NR6A1: variants seen among roughly 807,000 people sequenced by gnomAD.
The protein encoded by NR6A1 is nuclear receptor subfamily 6 group A member 1, also known as retinoic acid receptor-related testis-associated receptor.
A neutral mutation model predicts 59.1 loss-of-function variants in NR6A1; 7 were observed. That is an observed-to-expected ratio of 0.12 (90% CI 0.07 to 0.22). The LOEUF (loss-of-function observed/expected upper bound fraction) is 0.22, where lower values mean the gene tolerates loss of function less well. NR6A1 is among the 10% of genes least tolerant of loss of function. The pLI is 1.00. For missense variants in NR6A1, 468 were observed against 611.6 expected (o/e 0.77, Z 2.48); for synonymous variants, 243 against 236.1 (o/e 1.03, Z -0.27).
intron 2 of NR6A1, among the ~76,000 whole-genome samples, chr9:124,703,299 A>G (rs1839022385): frequency 1.3e-5 from 2 of 150,266 alleles, no homozygotes; most frequent in African/African-American, 4.9e-5. Flanking sequence ...TGCATTCTCA[A>G]ACTCCTGGGC....
In NR6A1 at chr9:124,771,225, G is replaced by T. The variant is rs1841153925; in HGVS notation, c.-106C>A. The T allele has an allele frequency of 1.7e-6, 1 of 587,056 alleles. No individual in the cohort carries two copies. Among genetic ancestry groups the T allele is most frequent in the East Asian group, 3.5e-5 (1 of 28,682 alleles). The allele number at this position is 587,056 out of a possible 1,614,324, so 36.4% of individuals were successfully genotyped here. ...GGGGAGGAGGTTGTCAGGAGCCCGC[G>T]AGCTCCCGGCCGCGGCTCTCTCTGG... On this transcript the variant is annotated 5_prime_UTR_variant, in exon 1 of 10. Coordinates refer to ENST00000487099, the MANE Select transcript of NR6A1 (RefSeq NM_033334.4).
intron 2 of NR6A1, among the ~76,000 whole-genome samples, chr9:124,578,653 C>A (rs558165184): frequency 3.3e-4 from 51 of 152,292 alleles, no homozygotes; most frequent in Non-Finnish European, 6.3e-4. Context: ...AGTCTCCTTC[C>A]TTCTCTTAGA....
chr9:124,657,746 C>G (rs935058856), intron 2 of NR6A1, among the ~76,000 whole-genome samples: 3 of 151,918 alleles, frequency 2.0e-5, no homozygotes, highest in Admixed American at 6.5e-5. Context: ...TAGCTTCCCC[C>G]CCCCAGCAAC....
intron 2 of NR6A1, among the ~76,000 whole-genome samples, chr9:124,595,182 C>T (rs1300244733): frequency 6.6e-6 from 1 of 152,164 alleles, no homozygotes; most frequent in Non-Finnish European, 1.5e-5. Flanking sequence ...TCATTACATA[C>T]ACACACATGC....
At chr9:124,530,550 A>G (rs1208092855) in intron 7 of NR6A1, among the ~76,000 whole-genome samples, 1 of 152,230 alleles carries the variant, frequency 6.6e-6, no homozygotes, top group Non-Finnish European at 1.5e-5. Flanking sequence ...ATGCTGGGAC[A>G]AGGAAAACAT....
chr9:124,692,717 G>A, intron 2 of NR6A1, among the ~76,000 whole-genome samples: 1 of 152,152 alleles, frequency 6.6e-6, no homozygotes, highest in East Asian at 1.9e-4. Flanking sequence ...TTATTTGTTT[G>A]TTTTTACAAA....
intron 2 of NR6A1, among the ~76,000 whole-genome samples, chr9:124,568,482 CA>C (rs201368540): frequency 2.1e-4 from 23 of 107,786 alleles, no homozygotes; most frequent in East Asian, 2.7e-4. Context: ...GACTCTGTCT[CA>C]AAAAAAAAAA....
chr9:124,771,156 CCGCCATGACCGGCGCCCTAGT>C lies in NR6A1; in HGVS notation c.-58_-38del. 1 of 1,126,698 alleles carries C rather than the reference CCGCCATGACCGGCGCCCTAGT, an allele frequency of 8.9e-7. No homozygotes were observed. The highest frequency in any genetic ancestry group is 3.2e-5 in the East Asian group (1 of 31,122). 69.8% of individuals were successfully genotyped at this position (1,126,698 alleles called of 1,614,324 possible). A position where few individuals can be genotyped will look rare whatever the true frequency, so the allele number is the denominator to read the frequency against. On this transcript the variant is annotated 5_prime_UTR_variant, in exon 1 of 10. The change abolishes an upstream ATG in the 5' untranslated region. Coordinates refer to ENST00000487099, the MANE Select transcript of NR6A1 (RefSeq NM_033334.4). ...TAGGGTCCGCGCCGGGTTTGTTGCT[CCGCCATGACCGGCGCCCTAGT>C]CGCCGTGGTCGTCGTCCGCCGAGGG...
intron 2 of NR6A1, among the ~76,000 whole-genome samples, chr9:124,731,878 A>G (rs1839894046): frequency 6.6e-6 from 1 of 152,200 alleles, no homozygotes; most frequent in South Asian, 2.1e-4. Context: ...TGAGGAGTCA[A>G]AAGTTATAAG....
intron 1 of NR6A1, among the ~76,000 whole-genome samples, chr9:124,769,359 A>G (rs1371440236): frequency 1.3e-5 from 2 of 152,236 alleles, no homozygotes; most frequent in Non-Finnish European, 2.9e-5. Context: ...CCCTTTTGTA[A>G]AAAACACCAG....
At chr9:124,681,980 GTTTTGTTTTGTTTTGTT>G (rs1469919516) in intron 2 of NR6A1, among the ~76,000 whole-genome samples, 1 of 148,470 alleles carries the variant, frequency 6.7e-6, no homozygotes, top group East Asian at 1.9e-4. Flanking sequence ...TTGTTTTTTT[GTTTTGTTTTGTTTTGTT>G]TTTTGTTTTG....
chr9:124,530,056 TG>T (rs1263416461), intron 7 of NR6A1, among the ~76,000 whole-genome samples: 4 of 152,194 alleles, frequency 2.6e-5, no homozygotes, highest in African/African-American at 9.7e-5. Flanking sequence ...GTGTTCACTC[TG>T]GCACTCCAGA....
Position 124,771,161 on chromosome 9 carries a change from A to G in NR6A1, c.-42T>C. 1.8e-6 allele frequency: 2 copies of G among 1,108,282 alleles called. No individual in the cohort carries two copies. Among genetic ancestry groups the G allele is most frequent in the East Asian group, 3.2e-5 (1 of 30,992 alleles). The allele number at this position is 1,108,282 out of a possible 1,614,324, so 68.7% of individuals were successfully genotyped here. On this transcript the variant is annotated 5_prime_UTR_variant, in exon 1 of 10. It removes an upstream start codon present in the reference 5' UTR. Transcript: ENST00000487099. The stretch of plus-strand genomic sequence containing the variant: ...TCCGCGCCGGGTTTGTTGCTCCGCC[A>G]TGACCGGCGCCCTAGTCGCCGTGGT...
In NR6A1 at chr9:124,599,241, G is replaced by C. The variant is rs189831533; in HGVS notation, c.143-44671C>G. 542 of 442,714 alleles carry C rather than the reference G, an allele frequency of 1.2e-3. 2 individuals carry two copies. Among genetic ancestry groups the C allele is most frequent in the African/African-American group, 0.01 (500 of 49,386 alleles). The allele number at this position is 442,714 out of a possible 1,614,324, so 27.4% of individuals were successfully genotyped here. A position where few individuals can be genotyped will look rare whatever the true frequency, so the allele number is the denominator to read the frequency against. On this transcript the variant is annotated intron_variant, in intron 2 of 9. Transcript: ENST00000487099. ...GTGGATAACCTGAGGTCAGGAGTTT[G>C]AGACCAGTCTCGTCAACATGGTGAA... is the stretch of plus-strand genomic sequence containing the variant.
intron 2 of NR6A1, among the ~76,000 whole-genome samples, chr9:124,641,232 G>A (rs1163835269): frequency 1.3e-5 from 2 of 151,980 alleles, no homozygotes; most frequent in African/African-American, 4.8e-5. Context: ...GGTGGTGCAT[G>A]CCTGTAATCC....
At chr9:124,651,352 C>A (rs7026100) in intron 2 of NR6A1, among the ~76,000 whole-genome samples, 1 of 152,180 alleles carries the variant, frequency 6.6e-6, no homozygotes, top group African/African-American at 2.4e-5. Flanking sequence ...AGCCACTGCG[C>A]CCAGCCACTG....
chr9:124,659,347 C>A (rs1837359185), intron 2 of NR6A1, among the ~76,000 whole-genome samples: 1 of 152,200 alleles, frequency 6.6e-6, no homozygotes, highest in Non-Finnish European at 1.5e-5. Flanking sequence ...TGACTAGATT[C>A]TGAAACTGCC....
intron 2 of NR6A1, among the ~76,000 whole-genome samples, chr9:124,624,045 C>T (rs1836162071): frequency 6.6e-6 from 1 of 152,070 alleles, no homozygotes. Context: ...GGTTAAGTTG[C>T]CCAAAGTCAA....
At chr9:124,681,821 G>A (rs1838170766) in intron 2 of NR6A1, among the ~76,000 whole-genome samples, 2 of 152,126 alleles carry the variant, frequency 1.3e-5, no homozygotes, top group South Asian at 4.1e-4. Flanking sequence ...CAGTGAACAA[G>A]TATTTTCCAA....
Sources: gnomAD v4.1 joint callset for allele counts (sites outside exome capture counted in the v4.1 genomes callset) on GRCh38, gnomAD v4.1.1 for gene constraint, MANE v1.5 for transcripts, NCBI Gene and HGNC (gene_info 2026-07-23, HGNC 2026-07-21) for gene names.